The following FAM193A variants were observed in gnomAD, a reference collection of about 807,000 sequenced individuals.
FAM193A encodes the protein protein FAM193A.
In FAM193A, 22 loss-of-function variants were observed where a neutral mutation model predicts 126.5. The observed-to-expected ratio is 0.17, with a 90% confidence interval of 0.12 to 0.25. The LOEUF is 0.25. FAM193A is among the 10% of genes least tolerant of loss of function. The pLI, the probability that FAM193A is intolerant of heterozygous loss-of-function variation, is 1.00. For synonymous variants in FAM193A, 761 were observed against 646.8 expected, an observed-to-expected ratio of 1.18 and a Z score of -2.68; for missense variants, 1,675 against 1,672.8, an observed-to-expected ratio of 1.00 and a Z score of -0.02.
intron 1 of FAM193A, among the ~76,000 whole-genome samples, chr4:2,576,564 A>ACT (rs1319678370): frequency 1.3e-5 from 2 of 152,140 alleles, no homozygotes; most frequent in Non-Finnish European, 2.9e-5. Flanking sequence ...ACATAGTGAT[A>ACT]CTTGCTCTTG....
intron 20 of FAM193A, among the ~76,000 whole-genome samples, chr4:2,729,857 G>A (rs893487876): frequency 3.3e-5 from 5 of 151,994 alleles, no homozygotes; most frequent in Non-Finnish European, 7.4e-5. Context: ...AGTGATCCAC[G>A]CACCTCAGCC....
chr4:2,679,315 T>C (rs1410390689), intron 13 of FAM193A, among the ~76,000 whole-genome samples: 1 of 152,040 alleles, frequency 6.6e-6, no homozygotes, highest in Non-Finnish European at 1.5e-5. Context: ...AGGTTGCTAG[T>C]ATTTTGTTGA....
intron 7 of FAM193A, among the ~76,000 whole-genome samples, chr4:2,657,111 T>C (rs1711789512): frequency 6.6e-6 from 1 of 152,158 alleles, no homozygotes; most frequent in Non-Finnish European, 1.5e-5. Context: ...GAGGTTGCAT[T>C]GAGCCGAGAT....
Position 2,596,170 on chromosome 4 carries a change from C to G in FAM193A, c.342C>G (p.Asp114Glu). 1 of 703,018 alleles carries G rather than the reference C, an allele frequency of 1.4e-6. No individual in the cohort carries two copies. The allele number at this position is 703,018 out of a possible 1,614,324, so 43.5% of individuals were successfully genotyped here. The change falls in exon 2 of 21, where the codon GAC becomes GAG. Residue 114 changes from aspartate to glutamate, a missense_variant. By Grantham distance (45) the Asp-to-Glu change is conservative. Coordinates refer to ENST00000637812, the MANE Select transcript of FAM193A (RefSeq NM_001366318.2). ...YCLLCRSERK[D>E]SSFLESGIKT... ...TTCTGTGCAGAAGTGAACGGAAAGA[C>G]TCATCATTCTTAGAGAGTGGAATTA...
Position 2,699,887 on chromosome 4 carries a change from T to A in FAM193A, c.3715T>A (p.Leu1239Met), listed in dbSNP as rs753857138. 1.4e-5 allele frequency: 23 copies of A among 1,613,944 alleles called. No homozygotes were observed. Among genetic ancestry groups the A allele is most frequent in the Non-Finnish European group, 1.9e-5 (23 of 1,179,988 alleles). The change falls in exon 19 of 21, where the codon TTG becomes ATG. Residue 1239 changes from leucine to methionine, a missense_variant. Coordinates refer to ENST00000637812, the MANE Select transcript of FAM193A (RefSeq NM_001366318.2). ...KERPSKDCPKLDMLTRNFQAA... is the reference protein window; with the variant it reads ...KERPSKDCPKMDMLTRNFQAA... Reference sequence around the variant, plus strand: ...GAGGCCAAGTAAAGACTGCCCCAAGTTGGACATGCTCACTAGAAATTTCCA... The same window carrying A: ...GAGGCCAAGTAAAGACTGCCCCAAGATGGACATGCTCACTAGAAATTTCCA...
chr4:2,649,725 T>C (rs1745484527), intron 7 of FAM193A, among the ~76,000 whole-genome samples: 1 of 152,194 alleles, frequency 6.6e-6, no homozygotes, highest in African/African-American at 2.4e-5. Flanking sequence ...TGTGTTGGTA[T>C]TGCACTGTGG....
In FAM193A at chr4:2,641,511, CGG is replaced by C. The variant is rs1439343788; in HGVS notation, c.1163+1654_1163+1655del. Among the ~76,000 whole-genome samples, 11 of 152,016 alleles carry C rather than the reference CGG, an allele frequency of 7.2e-5. No homozygotes were observed. In the East Asian group the frequency reaches 1.6e-3, roughly 22 times the overall value. ...TCTACTAAAAATACAAAAAATTAGC[CGG>C]GCGTAGTGGCGCATGCCTGTAGTCC... On this transcript the variant is annotated intron_variant, in intron 6 of 20. Transcript: ENST00000637812.
At chr4:2,632,691 G>A (rs1743713859) in intron 5 of FAM193A, among the ~76,000 whole-genome samples, 1 of 151,804 alleles carries the variant, frequency 6.6e-6, no homozygotes, top group African/African-American at 2.4e-5. Context: ...GTGAGGGGTG[G>A]GGGTGGGGCA....
At chr4:2,681,576 G>A (rs976267217) in intron 13 of FAM193A, among the ~76,000 whole-genome samples, 2 of 151,826 alleles carry the variant, frequency 1.3e-5, no homozygotes, top group African/African-American at 2.4e-5. Context: ...CCATAGTCTC[G>A]TAGCTTGGAC....
chr4:2,659,764 A>G (rs768133102), intron 9 of FAM193A, 48 bp from the exon 10 acceptor site: 2 of 1,613,896 alleles, frequency 1.2e-6, no homozygotes, highest in South Asian at 1.1e-5. Flanking sequence ...AGCATGGTCT[A>G]GTCTTGTGCA....
intron 7 of FAM193A, among the ~76,000 whole-genome samples, chr4:2,648,068 G>C (rs1045551189): frequency 1.3e-5 from 2 of 152,212 alleles, no homozygotes; most frequent in Middle Eastern, 3.4e-3. Flanking sequence ...TGCAGCCACA[G>C]GGACTAGAGC....
intron 5 of FAM193A, among the ~76,000 whole-genome samples, chr4:2,633,231 C>G (rs1229557065): frequency 6.6e-6 from 1 of 151,876 alleles, no homozygotes; most frequent in African/African-American, 2.4e-5. Context: ...AACCCCGTCT[C>G]TACTAAAAAT....
At chr4:2,709,705 A>AAAAACAAAAC (rs369948533) in intron 19 of FAM193A, among the ~76,000 whole-genome samples, 4 of 151,940 alleles carry the variant, frequency 2.6e-5, no homozygotes, top group Admixed American at 6.6e-5. Flanking sequence ...ACTCCACCTC[A>AAAAACAAAAC]AAAACAAAAC....
chr4:2,645,552 A>G (rs1373590165), intron 6 of FAM193A, among the ~76,000 whole-genome samples: 2 of 149,952 alleles, frequency 1.3e-5, no homozygotes, highest in African/African-American at 2.5e-5. Context: ...ATTGAGGCAT[A>G]GTTTCACCCT....
chr4:2,585,998 C>CT (rs1469225917), intron 1 of FAM193A, among the ~76,000 whole-genome samples: 2 of 152,032 alleles, frequency 1.3e-5, no homozygotes, highest in African/African-American at 4.8e-5. Flanking sequence ...AATCTCAGCA[C>CT]TTTGGGAGGC....
intron 20 of FAM193A, among the ~76,000 whole-genome samples, chr4:2,728,640 T>C (rs1000392454): frequency 6.6e-6 from 1 of 152,126 alleles, no homozygotes; most frequent in African/African-American, 2.4e-5. Flanking sequence ...AAAGGGATTC[T>C]TAATTTTGGT....
At chr4:2,664,008 TGAAA>T (rs1272952718) in intron 12 of FAM193A, among the ~76,000 whole-genome samples, 1 of 152,182 alleles carries the variant, frequency 6.6e-6, no homozygotes, top group East Asian at 1.9e-4. Context: ...AGTCTTTAAA[TGAAA>T]GAACAAATGA....
chr4:2,607,914 T>C (rs1741638268), intron 2 of FAM193A: 1 of 1,113,262 alleles, frequency 9.0e-7, no homozygotes, highest in Non-Finnish European at 1.3e-6. Flanking sequence ...TGTTTTTCAC[T>C]ATGTGATGGT....
At chr4:2,675,201 G>A (rs1228025586) in intron 13 of FAM193A, among the ~76,000 whole-genome samples, 1 of 152,140 alleles carries the variant, frequency 6.6e-6, no homozygotes, top group Non-Finnish European at 1.5e-5. Context: ...GAGCTTCAGA[G>A]GAATATGTGT....
Sources: allele counts gnomAD v4.1 joint callset (sites outside exome capture counted in the v4.1 genomes callset), GRCh38; gene constraint gnomAD v4.1.1; transcripts MANE v1.5; gene names NCBI Gene and HGNC (gene_info 2026-07-23, HGNC 2026-07-21).